The following TASOR2 variants were observed in gnomAD, a reference collection of about 807,000 sequenced individuals.
TASOR2 encodes protein TASOR 2.
A neutral mutation model predicts 199.5 loss-of-function variants in TASOR2; 84 were observed. That is an observed-to-expected ratio of 0.42 (90% confidence interval 0.35 to 0.50). TASOR2 has a LOEUF of 0.50. Ranked by LOEUF, TASOR2 falls within the 20% of genes least tolerant of loss-of-function variation. TASOR2 has a pLI of 0.02. For synonymous variants in TASOR2, 1,103 were observed against 1,046.6 expected, an observed-to-expected ratio of 1.05 and a Z score of -1.04; for missense variants, 2,796 against 2,835.9, an observed-to-expected ratio of 0.99 and a Z score of 0.32.
chr10:5,763,677 ATTTGGAGCAACGG>A (rs2131674137), exon 21 of TASOR2: 1 of 152,374 alleles, frequency 6.6e-6, no homozygotes, highest in Non-Finnish European at 1.5e-5. Flanking sequence ...CACGGTATCT[ATTTGGAGCAACGG>A]TTTTTGTAAC....
chr10:5,712,798 G>A, intron 1 of TASOR2, 25 bp from the exon 2 acceptor site: 1 of 1,117,210 alleles, frequency 9.0e-7, no homozygotes, highest in Middle Eastern at 3.3e-4. Context: ...ATAGCGTTTG[G>A]TTATTCTGTT....
chr10:5,684,850 T>G (rs1166316313), exon 1 of TASOR2: 2 of 391,804 alleles, frequency 5.1e-6, no homozygotes, highest in Non-Finnish European at 9.0e-6. Flanking sequence ...TTCCGGTTGC[T>G]AGCGCCGGTC....
chr10:5,751,753 G>T lies in TASOR2; in HGVS notation c.6606+1726G>T, dbSNP rs1838071101. Among the ~76,000 whole-genome samples, 1 of 152,132 alleles carries T rather than the reference G, an allele frequency of 6.6e-6. No homozygotes were observed. The highest frequency in any genetic ancestry group is 1.5e-5 in the Non-Finnish European group (1 of 68,022). On this transcript the variant is annotated intron_variant, in intron 15 of 20. Coordinates refer to ENST00000328090, the Ensembl canonical transcript of TASOR2. The surrounding 1 kb of genome is among the most constrained non-coding windows in gnomAD (Gnocchi z 5.3). ...TGCGTGAATGAACTCAGTGTCACTT[G>T]GTGTCTTTGCTTCTAGGTCCTCTCA...
At chr10:5,721,792 A>G (rs1833390908) in intron 6 of TASOR2, among the ~76,000 whole-genome samples, 1 of 152,226 alleles carries the variant, frequency 6.6e-6, no homozygotes, top group Non-Finnish European at 1.5e-5. Flanking sequence ...CTACTTGCTT[A>G]TTAATCACAA....
intron 14 of TASOR2, 113 bp from the exon 16 acceptor site, chr10:5,746,066 A>G (rs1197880376): frequency 2.5e-6 from 3 of 1,219,638 alleles, no homozygotes. Context: ...TCAGAAGAAC[A>G]TTCACAAACT....
At position 5,739,612 on chromosome 10, in the gene TASOR2, C is replaced by G; in HGVS notation, c.1448-6C>G. The G allele has an allele frequency of 1.2e-6, 2 of 1,600,120 alleles. No individual in the cohort carries two copies. The highest frequency in any genetic ancestry group is 1.7e-6 in the Non-Finnish European group (2 of 1,173,030). The stretch of plus-strand genomic sequence containing the variant: ...ATCTCTCTTTTTTTTTTCTTTTATA[C>G]TGAAGTCAAAGGAGAAACTGCTTCA... On this transcript the variant is annotated splice_polypyrimidine_tract_variant and splice_region_variant and intron_variant, in intron 12 of 20. Transcript: ENST00000328090.
Position 5,746,461 on chromosome 10 carries a change from A to G in TASOR2, c.3040A>G (p.Thr1014Ala), listed in dbSNP as rs746119695. Residue 1014 changes from threonine (T) to alanine (A), a missense_variant, in exon 15 of 21, where the codon ACA (threonine) becomes GCA (alanine). Thr to Ala is a moderately conservative substitution (Grantham distance 58). Coordinates refer to ENST00000328090, the Ensembl canonical transcript of TASOR2. ...TCTTGATGCAGCAGTGCAAACAAAA[A>G]CAGGTACTTTACAGGACCTTATCCA... The G allele has an allele frequency of 9.7e-5, 156 of 1,614,034 alleles. No individual in the cohort carries two copies. The highest frequency in any genetic ancestry group is 1.3e-4 in the Non-Finnish European group (155 of 1,180,036).
rs1477058306 is a variant in TASOR2, at chr10:5,708,535, CCTTTCTTTCT to C, written c.-287-4277_-287-4268del. On this transcript the variant is annotated intron_variant, in intron 1 of 20. Coordinates refer to ENST00000328090, the Ensembl canonical transcript of TASOR2. Reference sequence around the variant, plus strand: ...TAACTTGCTTGCTTTCTCTTTCTTTCCTTTCTTTCTCTTTCTTTCTTTCTTTTTCTTTCTT... The same window carrying C: ...TAACTTGCTTGCTTTCTCTTTCTTTCCTTTCTTTCTTTCTTTTTCTTTCTT... Among the ~76,000 whole-genome samples, 9 of 151,060 alleles carry C rather than the reference CCTTTCTTTCT, an allele frequency of 6.0e-5. No individual in the cohort carries two copies. The East Asian group carries it at 1.0e-3, about 17-fold the overall frequency.
intron 17 of TASOR2, among the ~76,000 whole-genome samples, chr10:5,758,251 C>T (rs1412524781): frequency 1.3e-5 from 2 of 152,156 alleles, no homozygotes; most frequent in Non-Finnish European, 2.9e-5. Context: ...TACACAGAAC[C>T]TGGGATTTTA....
At chr10:5,746,866 G>A (rs762905893) in exon 15 of TASOR2, 7 of 1,614,186 alleles carry the variant, frequency 4.3e-6, no homozygotes, top group Non-Finnish European at 5.9e-6. Flanking sequence ...GCCCCTTCCA[G>A]TCTCTCTACC....
chr10:5,731,090 T>C (rs1430340279), exon 11 of TASOR2: 4 of 1,613,802 alleles, frequency 2.5e-6, no homozygotes, highest in Middle Eastern at 1.6e-4. Flanking sequence ...AGTAAAAAGG[T>C]GAACTTGTGC....
At chr10:5,753,096 A>G (rs1838305802) in intron 15 of TASOR2, among the ~76,000 whole-genome samples, 1 of 152,116 alleles carries the variant, frequency 6.6e-6, no homozygotes, top group Non-Finnish European at 1.5e-5. Flanking sequence ...GTTGTAAAAG[A>G]TCCTTTAAGA....
chr10:5,762,381 T>G, intron 19 of TASOR2, 151 bp from the exon 21 acceptor site: 1 of 367,742 alleles, frequency 2.7e-6, no homozygotes, highest in Non-Finnish European at 4.9e-6. Flanking sequence ...AAGCTTCAAA[T>G]CTTTTCTTAA....
exon 1 of TASOR2, chr10:5,684,961 C>G: frequency 2.5e-6 from 1 of 397,764 alleles, no homozygotes; most frequent in Non-Finnish European, 4.4e-6. Flanking sequence ...CCGCGGCGTC[C>G]CTGTCAGCGC....
chr10:5,752,181 T>TG lies in TASOR2; in HGVS notation c.6606+2161dup, dbSNP rs1291251795. The stretch of plus-strand genomic sequence containing the variant: ...ACCTCAGAGCCCCAACATGTGCAGG[T>TG]GGGGGGGATGTTGCTTTTTTGTCAT... On this transcript the variant is annotated intron_variant, in intron 15 of 20. Transcript: ENST00000328090. The surrounding 1 kb of genome is among the most constrained non-coding windows in gnomAD (Gnocchi z 4.4). Among the ~76,000 whole-genome samples the TG allele has an allele frequency of 2.0e-5, 3 of 151,894 alleles. No individual in the cohort carries two copies. The highest frequency in any genetic ancestry group is 7.3e-5 in the African/African-American group (3 of 41,348).
In TASOR2 at chr10:5,738,562, G is replaced by A. The variant is rs550606347; in HGVS notation, c.1448-1056G>A. ...TGTTTTAAATAAAAACTGGGCAGTCGTTGATCAGTTTAACCCTTTCCCCAT... is the reference window on the plus strand; with the variant it reads ...TGTTTTAAATAAAAACTGGGCAGTCATTGATCAGTTTAACCCTTTCCCCAT... On this transcript the variant is annotated intron_variant, in intron 12 of 20. Transcript: ENST00000328090. This position sits in a 1 kb window ranked among gnomAD's most constrained non-coding sequence, Gnocchi z 4.7. 7.4e-4 allele frequency among the ~76,000 whole-genome samples: 113 copies of A among 152,264 alleles called. No homozygotes were observed. The highest frequency in any genetic ancestry group is 2.7e-3 in the African/African-American group (111 of 41,566).
At chr10:5,743,275 C>T (rs570455678) in intron 14 of TASOR2, among the ~76,000 whole-genome samples, 2 of 152,152 alleles carry the variant, frequency 1.3e-5, no homozygotes, top group Non-Finnish European at 2.9e-5. Context: ...CCCGGGGTCA[C>T]CGGGGACTTG....
In TASOR2 at chr10:5,754,162, G is replaced by A. The variant is rs1032069213; in HGVS notation, c.6607-2451G>A. On this transcript the variant is annotated intron_variant, in intron 15 of 20. Coordinates refer to ENST00000328090, the Ensembl canonical transcript of TASOR2. This position sits in a 1 kb window ranked among gnomAD's most constrained non-coding sequence, Gnocchi z 4.3. Reference sequence around the variant, plus strand: ...TCTACTAAAAATAAAAAAATTAGCCGGGTGTGGCGGCGCGCGCTTGTGGTA... The same window carrying A: ...TCTACTAAAAATAAAAAAATTAGCCAGGTGTGGCGGCGCGCGCTTGTGGTA... Among the ~76,000 whole-genome samples, 2 of 152,016 alleles carry A rather than the reference G, an allele frequency of 1.3e-5. No individual in the cohort carries two copies. Among genetic ancestry groups the A allele is most frequent in the African/African-American group, 4.8e-5 (2 of 41,396 alleles).
chr10:5,727,869 C>G (rs997426939), intron 10 of TASOR2, among the ~76,000 whole-genome samples: 1 of 151,740 alleles, frequency 6.6e-6, no homozygotes, highest in Non-Finnish European at 1.5e-5. Flanking sequence ...CTACTGTATC[C>G]CTAGTGCCTA....
Sources: gnomAD v4.1 joint callset for allele counts (sites outside exome capture counted in the v4.1 genomes callset) on GRCh38, gnomAD v4.1.1 for gene constraint, Gnocchi (gnomAD v3.1) non-coding constraint, MANE v1.5 for transcripts, NCBI Gene and HGNC (gene_info 2026-07-23, HGNC 2026-07-21) for gene names.